ZBTB7C: variants seen among roughly 807,000 people sequenced by gnomAD.
The protein encoded by ZBTB7C is zinc finger and BTB domain containing 7C.
In ZBTB7C, 8 loss-of-function variants were observed where a neutral mutation model predicts 25.7. That is an observed-to-expected ratio of 0.31 (90% CI 0.18 to 0.56). The LOEUF (loss-of-function observed/expected upper bound fraction) is 0.56, where lower values mean the gene tolerates loss of function less well. Among genes scored for constraint, ZBTB7C ranks in the 20% least tolerant of loss-of-function variants. The pLI, the probability that ZBTB7C is intolerant of heterozygous loss-of-function variation, is 0.91. For missense variants in ZBTB7C, 824 were observed against 855.2 expected (o/e 0.96, Z 0.46); for synonymous variants, 394 against 369.0 (o/e 1.07, Z -0.78).
chr18:48,245,286 G>A (rs2144388707), intron 2 of ZBTB7C, among the ~76,000 whole-genome samples: 1 of 151,300 alleles, frequency 6.6e-6, no homozygotes, highest in East Asian at 2.0e-4. Context: ...GGATGCAAAG[G>A]CATAAGAATG....
chr18:48,389,461 A>ATTTTTT (rs138527928), intron 1 of ZBTB7C, among the ~76,000 whole-genome samples: 12 of 97,656 alleles, frequency 1.2e-4, no homozygotes, highest in Non-Finnish European at 2.0e-4. Context: ...TGACTCTTGG[A>ATTTTTT]TTTTTTTTTT....
intron 3 of ZBTB7C, chr18:48,149,113 G>C (rs2040586681): frequency 6.6e-6 from 1 of 152,106 alleles, no homozygotes; most frequent in African/African-American, 2.4e-5. Context: ...GGATGGGGAA[G>C]ATGAGGGCAG....
chr18:48,264,988 T>C (rs2044269769), intron 2 of ZBTB7C, among the ~76,000 whole-genome samples: 1 of 152,174 alleles, frequency 6.6e-6, no homozygotes, highest in African/African-American at 2.4e-5. Flanking sequence ...ACCACCTGTC[T>C]GGATGAGAGA....
intron 1 of ZBTB7C, among the ~76,000 whole-genome samples, chr18:48,397,371 T>C (rs1209201406): frequency 6.6e-6 from 1 of 152,192 alleles, no homozygotes; most frequent in African/African-American, 2.4e-5. Context: ...TACCATTCCT[T>C]TGTACAGGCG....
chr18:48,223,204 C>T (rs1319141453), intron 2 of ZBTB7C, among the ~76,000 whole-genome samples: 1 of 152,142 alleles, frequency 6.6e-6, no homozygotes, highest in Admixed American at 6.5e-5. Context: ...GAACAGGCAG[C>T]CTGGAGACCC....
At chr18:48,236,940 C>T (rs984519406) in intron 2 of ZBTB7C, among the ~76,000 whole-genome samples, 3 of 152,062 alleles carry the variant, frequency 2.0e-5, no homozygotes, top group African/African-American at 7.2e-5. Context: ...GATCATGGAG[C>T]AATCCACAGA....
intron 2 of ZBTB7C, among the ~76,000 whole-genome samples, chr18:48,333,016 G>T (rs1295979942): frequency 6.6e-6 from 1 of 152,040 alleles, no homozygotes; most frequent in Non-Finnish European, 1.5e-5. Flanking sequence ...AGAATTGATT[G>T]TGGTTTTCAC....
At chr18:48,324,776 G>A (rs113792765) in intron 2 of ZBTB7C, among the ~76,000 whole-genome samples, 1,698 of 152,318 alleles carry the variant, frequency 0.011, 11 homozygotes, top group Non-Finnish European at 0.016. Flanking sequence ...GCTGCGTGAA[G>A]ACTGGGTTGG....
At chr18:48,230,302 G>C (rs1374159622) in intron 2 of ZBTB7C, among the ~76,000 whole-genome samples, 1 of 152,214 alleles carries the variant, frequency 6.6e-6, no homozygotes, top group Non-Finnish European at 1.5e-5. Context: ...GTGTTTGCAG[G>C]ATGTCTGCCC....
chr18:48,199,349 G>A (rs576194263), intron 2 of ZBTB7C, among the ~76,000 whole-genome samples: 15 of 152,078 alleles, frequency 9.9e-5, no homozygotes, highest in Admixed American at 8.5e-4. Context: ...TCAAATCCTC[G>A]TTTCTAAATC....
chr18:48,305,846 C>T (rs2144765981), intron 2 of ZBTB7C, among the ~76,000 whole-genome samples: 1 of 152,322 alleles, frequency 6.6e-6, no homozygotes, highest in South Asian at 2.1e-4. Context: ...TGCCTACTCC[C>T]CTCAGCCCCA....
At chr18:48,047,698 G>T (rs1445081488) in intron 3 of ZBTB7C, among the ~76,000 whole-genome samples, 1 of 152,138 alleles carries the variant, frequency 6.6e-6, no homozygotes, top group African/African-American at 2.4e-5. Flanking sequence ...GAGAGCATCT[G>T]TCCTCTCAGA....
In ZBTB7C at chr18:48,128,023, C is replaced by T. The variant is rs112045838; in HGVS notation, c.-17+57911G>A. Among the ~76,000 whole-genome samples, 352 of 152,298 alleles carry T rather than the reference C, an allele frequency of 2.3e-3. 4 individuals carry two copies. Among genetic ancestry groups the T allele is most frequent in the African/African-American group, 6.8e-3 (283 of 41,576 alleles). On this transcript the variant is annotated intron_variant, in intron 3 of 4. Coordinates refer to ENST00000590800, the MANE Select transcript of ZBTB7C (RefSeq NM_001318841.2). ...ACCCCGTAAGCTCCATCTTTATGTT[C>T]GCTCCATTTGTTCTCCAACCTTCCC...
intron 1 of ZBTB7C, among the ~76,000 whole-genome samples, chr18:48,382,686 G>A (rs1340332167): frequency 6.6e-6 from 1 of 152,204 alleles, no homozygotes; most frequent in Admixed American, 6.5e-5. Context: ...GAATGACTTT[G>A]CATGCATGCA....
chr18:48,382,675 C>G (rs74995709), intron 1 of ZBTB7C, among the ~76,000 whole-genome samples: 3 of 152,208 alleles, frequency 2.0e-5, no homozygotes, highest in Admixed American at 2.0e-4. Flanking sequence ...AAAAGTCACA[C>G]GAATGACTTT....
At chr18:48,123,731 G>C (rs913178135) in intron 3 of ZBTB7C, among the ~76,000 whole-genome samples, 20 of 152,232 alleles carry the variant, frequency 1.3e-4, no homozygotes, top group African/African-American at 4.8e-4. Context: ...TAATTTTGTA[G>C]TTCAGGCTCT....
chr18:48,173,800 C>A (rs1264490230), intron 3 of ZBTB7C, among the ~76,000 whole-genome samples: 1 of 152,246 alleles, frequency 6.6e-6, no homozygotes. Flanking sequence ...AGTCCACAGC[C>A]CTTCCTGGTA....
At chr18:48,385,833 C>G (rs1273176640) in intron 1 of ZBTB7C, among the ~76,000 whole-genome samples, 1 of 152,204 alleles carries the variant, frequency 6.6e-6, no homozygotes, top group Admixed American at 6.5e-5. Flanking sequence ...CTGCTGGCAG[C>G]CAGGGTGGCA....
intron 1 of ZBTB7C, among the ~76,000 whole-genome samples, chr18:48,391,915 C>T (rs926386260): frequency 1.3e-5 from 2 of 152,240 alleles, no homozygotes; most frequent in Non-Finnish European, 2.9e-5. Flanking sequence ...GCTATCTCCT[C>T]AAGAAGTTAA....
Sources: gnomAD v4.1 joint callset for allele counts (sites outside exome capture counted in the v4.1 genomes callset) on GRCh38, gnomAD v4.1.1 for gene constraint, MANE v1.5 for transcripts, NCBI Gene and HGNC (gene_info 2026-07-23, HGNC 2026-07-21) for gene names.